The following PDE1C variants were observed in gnomAD, a reference collection of about 807,000 sequenced individuals.
PDE1C encodes dual specificity calcium/calmodulin-dependent 3',5'-cyclic nucleotide phosphodiesterase 1C.
Under a neutral mutation model 93.1 loss-of-function variants are expected in PDE1C, and 62 were observed. The ratio of observed to expected loss-of-function variants is 0.67; its 90% CI spans 0.54 to 0.82. The LOEUF is 0.82. Among genes scored for constraint, PDE1C ranks in the 40% least tolerant of loss-of-function variants. PDE1C has a pLI of 0.00. For missense variants in PDE1C, 742 were observed against 884.6 expected (o/e 0.84, Z 2.04); for synonymous variants, 325 against 310.1 (o/e 1.05, Z -0.50).
chr7:31,647,321 G>A, the PDE1C span, among the ~76,000 whole-genome samples: 2 of 152,118 alleles, frequency 1.3e-5, no homozygotes, highest in Admixed American at 1.3e-4. Flanking sequence ...ACAGGACATA[G>A]CTCTTGGACC....
intron 4 of PDE1C, among the ~76,000 whole-genome samples, chr7:31,878,565 AT>A (rs1796876878): frequency 6.6e-6 from 1 of 152,304 alleles, no homozygotes; most frequent in South Asian, 2.1e-4. Flanking sequence ...GGTCAATTTG[AT>A]TTCAAAGAGT....
At chr7:31,886,692 T>C (rs1797918994) in intron 2 of PDE1C, among the ~76,000 whole-genome samples, 1 of 141,724 alleles carries the variant, frequency 7.1e-6, no homozygotes, top group South Asian at 2.3e-4. Flanking sequence ...CACGTAGGGG[T>C]CAGCCAGGCA....
At chr7:32,332,379 A>G (rs1435546721) in intron 1 of PDE1C, among the ~76,000 whole-genome samples, 1 of 152,142 alleles carries the variant, frequency 6.6e-6, no homozygotes, top group Non-Finnish European at 1.5e-5. Flanking sequence ...GACTAACAAT[A>G]CCAAGTGTTG....
At chr7:32,415,400 G>A (rs946775156) in intron 1 of PDE1C, among the ~76,000 whole-genome samples, 1 of 152,072 alleles carries the variant, frequency 6.6e-6, no homozygotes. Flanking sequence ...GCAGTGAGCC[G>A]AGATCACGCC....
intron 1 of PDE1C, among the ~76,000 whole-genome samples, chr7:32,298,050 CT>C (rs1812733136): frequency 5.4e-5 from 4 of 74,606 alleles, no homozygotes; most frequent in Admixed American, 1.6e-4. Flanking sequence ...CTCTCTCTCT[CT>C]CTCTCTCTCT....
chr7:32,109,667 T>C (rs1338799878), intron 3 of PDE1C, among the ~76,000 whole-genome samples: 1 of 152,216 alleles, frequency 6.6e-6, no homozygotes, highest in Non-Finnish European at 1.5e-5. Context: ...TGAAGAAGTC[T>C]GGAAGGGCAC....
At chr7:31,827,674 T>C (rs1789864948) in intron 12 of PDE1C, among the ~76,000 whole-genome samples, 1 of 152,106 alleles carries the variant, frequency 6.6e-6, no homozygotes, top group Admixed American at 6.6e-5. Context: ...TTCAGACTCT[T>C]CAAAGGTGGA....
At chr7:31,671,475 A>G in the PDE1C span, among the ~76,000 whole-genome samples, 1 of 152,176 alleles carries the variant, frequency 6.6e-6, no homozygotes, top group Admixed American at 6.6e-5. Flanking sequence ...TCCAAGTAAC[A>G]TTGTATCTCA....
the PDE1C span, among the ~76,000 whole-genome samples, chr7:31,720,088 G>A: frequency 0.033 from 4,810 of 146,532 alleles, 279 homozygotes; most frequent in African/African-American, 0.12. Flanking sequence ...GCGTGAACCC[G>A]GGAAGCGGAG....
At chr7:31,808,883 T>TAATAGTACC in intron 16 of PDE1C, 148 bp downstream of exon 16, 1 of 521,976 alleles carries the variant, frequency 1.9e-6, no homozygotes, top group Admixed American at 3.4e-5. Context: ...GATAAAGGGA[T>TAATAGTACC]AATAGTACCC....
chr7:31,902,814 TTA>T (rs961744820), intron 2 of PDE1C, among the ~76,000 whole-genome samples: 1 of 151,178 alleles, frequency 6.6e-6, no homozygotes, highest in Non-Finnish European at 1.5e-5. Flanking sequence ...GATATACTAT[TTA>T]TAATATCGAT....
intron 7 of PDE1C, among the ~76,000 whole-genome samples, chr7:31,861,402 G>C (rs979784028): frequency 6.6e-6 from 1 of 151,818 alleles, no homozygotes; most frequent in East Asian, 1.9e-4. Context: ...CTATTGATAT[G>C]TCCAAGACTA....
intron 1 of PDE1C, among the ~76,000 whole-genome samples, chr7:32,246,514 T>C (rs1157457971): frequency 1.3e-5 from 2 of 150,768 alleles, no homozygotes; most frequent in African/African-American, 4.9e-5. Flanking sequence ...TCAATGTTTA[T>C]GTATTTGGAA....
chr7:31,880,724 CT>C (rs1797135955), intron 3 of PDE1C, 22 bp downstream of exon 3: 8 of 1,397,308 alleles, frequency 5.7e-6, no homozygotes, highest in Non-Finnish European at 8.1e-6. Context: ...CTATACTAAT[CT>C]CTTTTGTTAT....
At chr7:32,102,105 T>A (rs1268250594) in intron 3 of PDE1C, among the ~76,000 whole-genome samples, 9 of 152,162 alleles carry the variant, frequency 5.9e-5, no homozygotes, top group African/African-American at 2.2e-4. Context: ...AGGCCCATCT[T>A]CAACATTGAA....
intron 16 of PDE1C, among the ~76,000 whole-genome samples, chr7:31,777,639 T>TA (rs1192040614): frequency 2.0e-5 from 3 of 152,124 alleles, no homozygotes; most frequent in Non-Finnish European, 4.4e-5. Flanking sequence ...ATTTTCATCT[T>TA]AAACAACAGG....
At chr7:32,061,399 G>A (rs1794780714) in intron 1 of PDE1C, among the ~76,000 whole-genome samples, 1 of 152,252 alleles carries the variant, frequency 6.6e-6, no homozygotes, top group African/African-American at 2.4e-5. Flanking sequence ...CCAGAACTGT[G>A]GACTGCTCCA....
chr7:31,622,597 C>T, the PDE1C span, among the ~76,000 whole-genome samples: 1 of 151,884 alleles, frequency 6.6e-6, no homozygotes, highest in Non-Finnish European at 1.5e-5. Flanking sequence ...CTCTGGGACA[C>T]ATTCAAAGCA....
chr7:31,898,043 TG>T (rs1799530827), intron 2 of PDE1C, among the ~76,000 whole-genome samples: 1 of 151,662 alleles, frequency 6.6e-6, no homozygotes, highest in African/African-American at 2.4e-5. Context: ...TGTGTGTGTG[TG>T]TGTGTGTGTG....
Sources: allele counts gnomAD v4.1 joint callset (sites outside exome capture counted in the v4.1 genomes callset), GRCh38; gene constraint gnomAD v4.1.1; transcripts MANE v1.5; gene names NCBI Gene and HGNC (gene_info 2026-07-23, HGNC 2026-07-21).